The following DST variants were observed in gnomAD, a reference collection of about 807,000 sequenced individuals.
DST encodes dystonin, also known as bullous pemphigoid antigen.
Under a neutral mutation model 875.2 loss-of-function variants are expected in DST, and 253 were observed. The observed-to-expected ratio is 0.29, with a 90% confidence interval of 0.26 to 0.32. The LOEUF is 0.32. Among genes scored for constraint, DST ranks in the 10% least tolerant of loss-of-function variants. The pLI is 1.00. For synonymous variants in DST, 3,124 were observed against 3,197.1 expected (o/e 0.98, Z 0.77); for missense variants, 8,287 against 9,111.6 (o/e 0.91, Z 3.68).
chr6:56,744,518 C>T (rs946471604), intron 4 of DST, among the ~76,000 whole-genome samples: 1 of 152,068 alleles, frequency 6.6e-6, no homozygotes, highest in Non-Finnish European at 1.5e-5. Flanking sequence ...TGCAAGTAAA[C>T]AGCTGTAAGA....
intron 98 of DST, among the ~76,000 whole-genome samples, chr6:56,468,067 C>T (rs1366640457): frequency 6.6e-6 from 1 of 151,928 alleles, no homozygotes. Context: ...TAATTTGAAG[C>T]TTGAGATGTA....
At position 56,946,178 on chromosome 6, in the gene DST, T is replaced by A. The variant is rs183744774; in HGVS notation, c.216+7607A>T. ...GCCAGGGCCAGAAAGGGGCAGGGGATTAAGAGGGTGTTGTCTAGAAACCAG... is the reference window on the plus strand; with the variant it reads ...GCCAGGGCCAGAAAGGGGCAGGGGAATAAGAGGGTGTTGTCTAGAAACCAG... On this transcript the variant is annotated intron_variant, in intron 2 of 103. Coordinates refer to ENST00000680361, the MANE Select transcript of DST (RefSeq NM_001374736.1). Among the ~76,000 whole-genome samples the A allele has an allele frequency of 1.7e-4, 26 of 152,096 alleles. No homozygotes were observed. In the East Asian group the frequency reaches 3.1e-3, roughly 18 times the overall value.
chr6:56,640,125 A>G lies in DST; in HGVS notation c.2490+18T>C. ...CAATAAAGACTGAAACACTCAGGTA[A>G]AGTAAACATTTTTTTACCTGCATCT... On this transcript the variant is annotated intron_variant, in intron 18 of 103. Coordinates refer to ENST00000680361, the MANE Select transcript of DST (RefSeq NM_001374736.1). The G allele has an allele frequency of 6.2e-7, 1 of 1,613,370 alleles. No homozygotes were observed. The highest frequency in any genetic ancestry group is 1.1e-5 in the South Asian group (1 of 91,062).
At chr6:56,923,134 T>C (rs73463722) in intron 2 of DST, among the ~76,000 whole-genome samples, 5,948 of 152,182 alleles carry the variant, frequency 0.039, 395 homozygotes, top group African/African-American at 0.14. Flanking sequence ...CATGGCTGAT[T>C]CAATAGGGAA....
intron 3 of DST, chr6:56,871,223 C>A (rs1056658875): frequency 6.5e-6 from 5 of 767,872 alleles, no homozygotes; most frequent in African/African-American, 5.1e-5. Flanking sequence ...CAGAGAACCA[C>A]ACAAAGTCAT....
intron 4 of DST, among the ~76,000 whole-genome samples, chr6:56,765,602 A>G (rs1234485357): frequency 6.6e-6 from 1 of 152,246 alleles, no homozygotes; most frequent in Non-Finnish European, 1.5e-5. Flanking sequence ...GGCAGAGGTG[A>G]TGAGAGGCAG....
intron 4 of DST, among the ~76,000 whole-genome samples, chr6:56,774,903 A>G (rs1049087206): frequency 2.0e-5 from 3 of 151,724 alleles, no homozygotes; most frequent in Non-Finnish European, 4.4e-5. Context: ...GAGGCAGGAG[A>G]ATCGCTGGAA....
Position 56,628,152 on chromosome 6 carries a change from G to C in DST, c.4485C>G (p.Asp1495Glu). 1 of 1,613,394 alleles carries C rather than the reference G, an allele frequency of 6.2e-7. No individual in the cohort carries two copies. The highest frequency in any genetic ancestry group is 8.5e-7 in the Non-Finnish European group (1 of 1,179,402). ...TCAGTGATTTGCCAATGCCCTCTAA[G>C]TCCCGTAACCTAAGAGAATAGTAAC... Reference protein sequence around the residue: ...VHVQIDNRLRDLEGIGKSLKY... With the variant: ...VHVQIDNRLRELEGIGKSLKY... The change falls in exon 33 of 104, where the codon GAC becomes GAG. Residue 1495 changes from aspartate (D) to glutamate (E), a missense_variant. Asp to Glu is a conservative substitution (Grantham distance 45). Coordinates refer to ENST00000680361, the MANE Select transcript of DST (RefSeq NM_001374736.1).
intron 10 of DST, among the ~76,000 whole-genome samples, chr6:56,658,587 C>T (rs1353414280): frequency 6.6e-6 from 1 of 152,154 alleles, no homozygotes; most frequent in Non-Finnish European, 1.5e-5. Flanking sequence ...GTTACCAAAA[C>T]GTATCTATCA....
intron 5 of DST, among the ~76,000 whole-genome samples, chr6:56,717,904 T>C (rs1164193658): frequency 1.3e-5 from 2 of 152,176 alleles, no homozygotes; most frequent in East Asian, 1.9e-4. Context: ...TTGCTGGCTC[T>C]ACATGTATAA....
chr6:56,755,081 T>C (rs1469730080), intron 4 of DST, among the ~76,000 whole-genome samples: 1 of 150,908 alleles, frequency 6.6e-6, no homozygotes, highest in African/African-American at 2.4e-5. Context: ...ATAAAACATA[T>C]ATAAAGTATA....
intron 4 of DST, among the ~76,000 whole-genome samples, chr6:56,783,036 G>C (rs1275844964): frequency 6.6e-6 from 1 of 152,166 alleles, no homozygotes; most frequent in African/African-American, 2.4e-5. Flanking sequence ...GAGCGGTTTT[G>C]AGTGAGTTTC....
chr6:56,608,587 C>T lies in DST; in HGVS notation c.6041G>A (p.Gly2014Glu). ...GCTAGCAGTGTCCCTGTCAATCACC[C>T]CTTCTCTGACAGCTTCTTCAACAGT... is the stretch of plus-strand genomic sequence containing the variant. ...RMTVEEAVRE[G>E]VIDRDTASSI... Residue 2014 changes from glycine to glutamate, a missense_variant, in exon 40 of 104, where the codon GGG (glycine) becomes GAG (glutamate). This residue lies in a region of DST where 3,138 missense variants were observed against 3,116.6 expected (regional missense o/e 1.01). Coordinates refer to ENST00000680361, the MANE Select transcript of DST (RefSeq NM_001374736.1). The T allele has an allele frequency of 6.2e-7, 1 of 1,613,436 alleles. No individual in the cohort carries two copies. Among genetic ancestry groups the T allele is most frequent in the South Asian group, 1.1e-5 (1 of 91,008 alleles).
At chr6:56,913,273 A>G (rs1244599608) in intron 2 of DST, among the ~76,000 whole-genome samples, 2 of 152,198 alleles carry the variant, frequency 1.3e-5, no homozygotes, top group African/African-American at 2.4e-5. Flanking sequence ...ATTTCTTGTA[A>G]TATTCCTAGT....
intron 9 of DST, among the ~76,000 whole-genome samples, chr6:56,678,147 G>A (rs972211929): frequency 3.3e-5 from 5 of 152,092 alleles, no homozygotes; most frequent in Admixed American, 6.5e-5. Context: ...CACGATGCTC[G>A]CATCCCTCAA....
At chr6:56,857,156 C>T (rs1255185925) in intron 3 of DST, among the ~76,000 whole-genome samples, 3 of 151,992 alleles carry the variant, frequency 2.0e-5, no homozygotes, top group East Asian at 1.9e-4. Context: ...GGTCTACAGG[C>T]ACATGCTACC....
intron 4 of DST, among the ~76,000 whole-genome samples, chr6:56,754,993 T>C (rs1437451064): frequency 6.6e-6 from 1 of 152,212 alleles, no homozygotes; most frequent in East Asian, 1.9e-4. Flanking sequence ...CTTATAGTAA[T>C]ACCAAGTAAT....
At chr6:56,717,027 C>CA (rs2099397385) in intron 5 of DST, among the ~76,000 whole-genome samples, 1 of 151,792 alleles carries the variant, frequency 6.6e-6, no homozygotes, top group African/African-American at 2.4e-5. Context: ...TAAAAAAATA[C>CA]AAAAAATTAG....
In DST at chr6:56,897,305, T is replaced by TGG. The variant is rs145216598; in HGVS notation, c.417+3114_417+3115dup. 6.9e-4 allele frequency among the ~76,000 whole-genome samples: 95 copies of TGG among 137,148 alleles called. 2 individuals are homozygous for TGG. The highest frequency in any genetic ancestry group is 2.4e-3 in the African/African-American group (88 of 35,946). The allele number at this position is 137,148 out of a possible 152,430, so 90.0% of individuals were successfully genotyped here. ...CAAAGAATACTAAGTGGTTTTTTTT[T>TGG]GGGGGGGGGGTTGTTTTTATTTATT... On this transcript the variant is annotated intron_variant, in intron 3 of 103. Transcript: ENST00000680361.
Sources: gnomAD v4.1 joint callset for allele counts (sites outside exome capture counted in the v4.1 genomes callset) on GRCh38, gnomAD v4.1.1 for gene constraint, gnomAD v4.1.1 regional missense constraint, MANE v1.5 for transcripts, NCBI Gene and HGNC (gene_info 2026-07-23, HGNC 2026-07-21) for gene names.